The following RBM14 variants were observed in gnomAD, a reference collection of about 807,000 sequenced individuals.
RBM14 encodes RNA-binding protein 14.
In RBM14, 5 loss-of-function variants were observed where a neutral mutation model predicts 52.8. The observed-to-expected ratio is 0.09, with a 90% CI of 0.05 to 0.20. The LOEUF (loss-of-function observed/expected upper bound fraction) is 0.20. RBM14 is among the 10% of genes least tolerant of loss of function. The pLI is 1.00. For missense variants in RBM14, 780 were observed against 926.6 expected (o/e 0.84, Z 2.05); for synonymous variants, 411 against 401.8 (o/e 1.02, Z -0.28).
At position 66,625,270 on chromosome 11, in the gene RBM14, C is replaced by T. The variant is rs369525642; in HGVS notation, c.1394C>T (p.Pro465Leu). Residue 465 changes from proline (P) to leucine (L), a missense_variant, in exon 2 of 3, where the codon CCG becomes CTG. By Grantham distance (98) the Pro-to-Leu change is moderately conservative. Transcript: ENST00000310137. The surrounding 1 kb of genome is among the most constrained non-coding windows in gnomAD (Gnocchi z 4.2). ...ATGGCTGGCTCCTATGGGGCCCAGC[C>T]GGTTGTGCAGACCCAGCTGAATAGT... ...TPMAGSYGAQ[P>L]VVQTQLNSYG... 1.5e-5 allele frequency: 24 copies of T among 1,612,660 alleles called. No individual in the cohort carries two copies. The highest frequency in any genetic ancestry group is 4.4e-5 in the South Asian group (4 of 91,074).
rs376473812 is a variant in RBM14, at chr11:66,616,801, G to C, written c.81G>C (p.Thr27=). The change falls in exon 1 of 3, where the codon ACG becomes ACC. Residue 27 remains threonine, a synonymous_variant. Transcript: ENST00000310137. ...ELAALFAPYG[T]VMSCAVMKQF... ...CAGCCCTCTTTGCGCCCTACGGCAC[G>C]GTCATGAGCTGCGCCGTCATGAAAC... The C allele has an allele frequency of 2.5e-6, 4 of 1,610,932 alleles. No homozygotes were observed. Among genetic ancestry groups the C allele is most frequent in the East Asian group, 2.2e-5 (1 of 44,770 alleles).
Position 66,626,738 on chromosome 11 carries a change from T to C in RBM14, c.*70T>C. ...GGTGGGTAGGGTTACAGATCCAGGT[T>C]ATAACTACTCTGGCCCATACCTTTC... On this transcript the variant is annotated 3_prime_UTR_variant, in exon 3 of 3. Transcript: ENST00000310137. 3.6e-6 allele frequency: 5 copies of C among 1,407,906 alleles called. No homozygotes were observed. The highest frequency in any genetic ancestry group is 4.8e-6 in the Non-Finnish European group (5 of 1,044,368). The allele number at this position is 1,407,906 out of a possible 1,614,324, so 87.2% of individuals were successfully genotyped here. A position where few individuals can be genotyped will look rare whatever the true frequency, so the allele number is the denominator to read the frequency against.
Position 66,625,619 on chromosome 11 carries a change from C to T in RBM14, c.1743C>T (p.Leu581=). The T allele has an allele frequency of 1.2e-6, 2 of 1,613,160 alleles. No homozygotes were observed. Among genetic ancestry groups the T allele is most frequent in the Non-Finnish European group, 1.7e-6 (2 of 1,179,998 alleles). ...STPPPYERTR[L]SPPRASYDDP... ...CGCCGCCCTATGAGCGTACCCGCCT[C>T]TCCCCACCCCGGGCCAGCTACGACG... The change falls in exon 2 of 3, where the codon CTC becomes CTT. Residue 581 remains leucine (L), a synonymous_variant. Coordinates refer to ENST00000310137, the MANE Select transcript of RBM14 (RefSeq NM_006328.4). This position sits in a 1 kb window ranked among gnomAD's most constrained non-coding sequence, Gnocchi z 4.2.
Position 66,626,944 on chromosome 11 carries a change from T to A in RBM14, c.*276T>A, listed in dbSNP as rs1173078485. On this transcript the variant is annotated 3_prime_UTR_variant, in exon 3 of 3. Transcript: ENST00000310137. ...CTCCCCAGAATGGGAATTTCTTTTATGTTTTTATTTTTTTCCTGGCTCCCT... is the reference window on the plus strand; with the variant it reads ...CTCCCCAGAATGGGAATTTCTTTTAAGTTTTTATTTTTTTCCTGGCTCCCT... 2.9e-6 allele frequency: 1 copy of A among 345,832 alleles called. No homozygotes were observed. The highest frequency in any genetic ancestry group is 5.2e-6 in the Non-Finnish European group (1 of 192,360). 21.4% of individuals were successfully genotyped at this position (345,832 alleles called of 1,614,324 possible). A position where few individuals can be genotyped will look rare whatever the true frequency, so the allele number is the denominator to read the frequency against.
At chr11:66,617,490 G>A in intron 1 of RBM14, 2 of 1,006,028 alleles carry the variant, frequency 2.0e-6, no homozygotes, top group Non-Finnish European at 1.2e-6. Context: ...GGGAAAAGGT[G>A]GGGGCTGACG....
Position 66,624,652 on chromosome 11 carries a change from T to C in RBM14, c.776T>C (p.Val259Ala). 1 of 1,613,350 alleles carries C rather than the reference T, an allele frequency of 6.2e-7. No homozygotes were observed. Among genetic ancestry groups the C allele is most frequent in the South Asian group, 1.1e-5 (1 of 91,086 alleles). ...GCCCAGCCTTCTGCCTCTTTGGGTG[T>C]TGGCTATCGGACTCAGCCCATGACA... is the stretch of plus-strand genomic sequence containing the variant. ...YRAQPSASLGVGYRTQPMTAQ... is the reference protein window; with the variant it reads ...YRAQPSASLGAGYRTQPMTAQ... Residue 259 changes from valine to alanine, a missense_variant, in exon 2 of 3, where the codon GTT (valine) becomes GCT (alanine). Transcript: ENST00000310137. This position sits in a 1 kb window ranked among gnomAD's most constrained non-coding sequence, Gnocchi z 4.7.
At chr11:66,618,740 T>C (rs1236434861) in intron 1 of RBM14, among the ~76,000 whole-genome samples, 1 of 152,186 alleles carries the variant, frequency 6.6e-6, no homozygotes, top group Non-Finnish European at 1.5e-5. Context: ...GTTGAGAGTC[T>C]AGAGTCAAAC....
chr11:66,617,815 C>T (rs919021616), intron 1 of RBM14, among the ~76,000 whole-genome samples: 1 of 152,204 alleles, frequency 6.6e-6, no homozygotes, highest in Non-Finnish European at 1.5e-5. Flanking sequence ...TATGAAGTCC[C>T]CTTCTGCGTA....
chr11:66,617,181 T>G, intron 1 of RBM14, 124 bp downstream of exon 1: 2 of 1,453,094 alleles, frequency 1.4e-6, no homozygotes, highest in Non-Finnish European at 9.0e-7. Flanking sequence ...CGGGAGCAGG[T>G]CGGAGGTGTT....
At chr11:66,620,602 T>G (rs1859062822) in intron 1 of RBM14, among the ~76,000 whole-genome samples, 2 of 152,138 alleles carry the variant, frequency 1.3e-5, no homozygotes, top group African/African-American at 4.8e-5. Flanking sequence ...ATGCCCGGCT[T>G]GGATTTTTAA....
chr11:66,625,036 A>T lies in RBM14; in HGVS notation c.1160A>T (p.Gln387Leu), dbSNP rs1937721576. ...YGAQAASYGAQSAASSLAYGA... is the reference protein window; with the variant it reads ...YGAQAASYGALSAASSLAYGA... ...GCTCAGGCAGCCTCCTATGGGGCCC[A>T]GTCTGCAGCCTCCTCACTAGCTTAT... The change falls in exon 2 of 3, where the codon CAG (glutamine) becomes CTG (leucine). Residue 387 changes from glutamine (Q) to leucine (L), a missense_variant. Around this residue, in one of 4 missense-constraint regions of RBM14, gnomAD observed 675 missense variants for 697.3 expected, o/e 0.97. Coordinates refer to ENST00000310137, the MANE Select transcript of RBM14 (RefSeq NM_006328.4). This position sits in a 1 kb window ranked among gnomAD's most constrained non-coding sequence, Gnocchi z 4.2. 1 of 1,613,404 alleles carries T rather than the reference A, an allele frequency of 6.2e-7. No homozygotes were observed. The highest frequency in any genetic ancestry group is 8.5e-7 in the Non-Finnish European group (1 of 1,179,850).
Position 66,618,348 on chromosome 11 carries a change from A to G in RBM14, c.337+1291A>G. 4.8e-6 allele frequency: 3 copies of G among 621,492 alleles called. No individual in the cohort carries two copies. The South Asian group carries it at 5.9e-5, about 12-fold the overall frequency. 38.5% of individuals were successfully genotyped at this position (621,492 alleles called of 1,614,324 possible). On this transcript the variant is annotated intron_variant, in intron 1 of 2. Transcript: ENST00000310137. ...GTGCAAGTGCTTATTTATCCCACCA[A>G]GATATTTCATTTGCTGTCCTGGAAA...
In RBM14 at chr11:66,626,351, G is replaced by A. The variant is rs1021015166; in HGVS notation, c.1803-110G>A. On this transcript the variant is annotated intron_variant, in intron 2 of 2. Transcript: ENST00000310137. ...CTGACAAAAGGAGACCAATCTCTTG[G>A]AGACCACTGTGATCACACCCTCCCT... 2.2e-5 allele frequency: 24 copies of A among 1,095,906 alleles called. No homozygotes were observed. The African/African-American group carries it at 3.4e-4, about 16-fold the overall frequency. 67.9% of individuals were successfully genotyped at this position (1,095,906 alleles called of 1,614,324 possible). A position where few individuals can be genotyped will look rare whatever the true frequency, so the allele number is the denominator to read the frequency against.
Position 66,626,704 on chromosome 11 carries a change from G to T in RBM14, c.*36G>T. 1 of 1,535,836 alleles carries T rather than the reference G, an allele frequency of 6.5e-7. No homozygotes were observed. Among genetic ancestry groups the T allele is most frequent in the Non-Finnish European group, 8.8e-7 (1 of 1,131,934 alleles). On this transcript the variant is annotated 3_prime_UTR_variant, in exon 3 of 3. Coordinates refer to ENST00000310137, the MANE Select transcript of RBM14 (RefSeq NM_006328.4). Reference sequence around the variant, plus strand: ...GGATGGGGCACCACAGGGAGGGAGGGAGAAAAGAGGTGGGTAGGGTTACAG... The same window carrying T: ...GGATGGGGCACCACAGGGAGGGAGGTAGAAAAGAGGTGGGTAGGGTTACAG...
chr11:66,627,009 G>C lies in RBM14; in HGVS notation c.*341G>C, dbSNP rs549058136. Reference sequence around the variant, plus strand: ...CGATATTTAAGGTCGTCTGGATGGGGAAGCAACCTGCAGCTGAGGTCGCCG... The same window carrying C: ...CGATATTTAAGGTCGTCTGGATGGGCAAGCAACCTGCAGCTGAGGTCGCCG... On this transcript the variant is annotated 3_prime_UTR_variant, in exon 3 of 3. Transcript: ENST00000310137. 37 of 203,136 alleles carry C rather than the reference G, an allele frequency of 1.8e-4. No individual in the cohort carries two copies. Among genetic ancestry groups the C allele is most frequent in the African/African-American group, 8.4e-4 (36 of 43,016 alleles). The allele number at this position is 203,136 out of a possible 1,614,324, so 12.6% of individuals were successfully genotyped here.
At chr11:66,622,222 TTTTC>T (rs1859146555) in intron 1 of RBM14, among the ~76,000 whole-genome samples, 1 of 151,106 alleles carries the variant, frequency 6.6e-6, no homozygotes, top group African/African-American at 2.4e-5. Context: ...GGCTAGTTTC[TTTTC>T]TTTTTTTCTT....
rs1937689029 is a variant in RBM14 at position 66,624,415 on chromosome 11, G to T, written c.539G>T (p.Gly180Val). The change falls in exon 2 of 3, where the codon GGC (glycine) becomes GTC (valine). Residue 180 changes from glycine to valine, a missense_variant. Gly to Val is a moderately radical substitution (Grantham distance 109, BLOSUM62 -3). Around this residue, in one of 4 missense-constraint regions of RBM14, gnomAD observed 675 missense variants for 697.3 expected, o/e 0.97. Coordinates refer to ENST00000310137, the MANE Select transcript of RBM14 (RefSeq NM_006328.4). This position sits in a 1 kb window ranked among gnomAD's most constrained non-coding sequence, Gnocchi z 4.7. ...AGDTAFPGTG[G>V]FSATFDYQQA... is the part of the protein sequence containing the mutation. ...GATACGGCCTTCCCTGGAACTGGTGGCTTCTCTGCCACCTTCGACTACCAG... is the reference window on the plus strand; with the variant it reads ...GATACGGCCTTCCCTGGAACTGGTGTCTTCTCTGCCACCTTCGACTACCAG... The T allele has an allele frequency of 6.2e-7, 1 of 1,614,150 alleles. No individual in the cohort carries two copies. The highest frequency in any genetic ancestry group is 8.5e-7 in the Non-Finnish European group (1 of 1,179,988).
Position 66,629,244 on chromosome 11 carries a change from C to T in RBM14, c.*2576C>T, listed in dbSNP as rs916149103. 2.2e-5 allele frequency among the ~76,000 whole-genome samples: 3 copies of T among 138,894 alleles called. No homozygotes were observed. Among genetic ancestry groups the T allele is most frequent in the African/African-American group, 7.4e-5 (3 of 40,396 alleles). 91.1% of individuals were successfully genotyped at this position (138,894 alleles called of 152,430 possible). On this transcript the variant is annotated 3_prime_UTR_variant, in exon 3 of 3. Transcript: ENST00000310137. ...AATGTGTGTTTTGGAAAAATGGACT[C>T]TCTATCTTCAGATTATTCAGCTTCT...
At position 66,624,311 on chromosome 11, in the gene RBM14, A is replaced by G. The variant is rs1937682769; in HGVS notation, c.435A>G (p.Glu145=). The G allele has an allele frequency of 6.2e-7, 1 of 1,613,862 alleles. No homozygotes were observed. Among genetic ancestry groups the G allele is most frequent in the Non-Finnish European group, 8.5e-7 (1 of 1,179,822 alleles). Residue 145 remains glutamate, a synonymous_variant, in exon 2 of 3, where the codon GAA becomes GAG. Transcript: ENST00000310137. This position sits in a 1 kb window ranked among gnomAD's most constrained non-coding sequence, Gnocchi z 4.7. ...TGAAGGGCAAGCGCATCAACGTGGA[A>G]CTCTCCACCAAGGGTCAGAAGAAGG... ...KEVKGKRINV[E]LSTKGQKKGP...
Sources: allele counts gnomAD v4.1 joint callset (sites outside exome capture counted in the v4.1 genomes callset), GRCh38; gene constraint gnomAD v4.1.1; regional missense constraint gnomAD v4.1.1; non-coding constraint Gnocchi (gnomAD v3.1); transcripts MANE v1.5; gene names NCBI Gene and HGNC (gene_info 2026-07-23, HGNC 2026-07-21).